The following BANK1 variants were observed in gnomAD, a reference collection of about 807,000 sequenced individuals.
BANK1 encodes B-cell scaffold protein with ankyrin repeats.
In BANK1, 95 loss-of-function variants were observed where a neutral mutation model predicts 94.5. The ratio of observed to expected loss-of-function variants is 1.00; its 90% CI spans 0.85 to 1.19. The LOEUF (loss-of-function observed/expected upper bound fraction) is 1.19, where lower values mean the gene tolerates loss of function less well. BANK1 is among the 50% of genes most tolerant of loss of function. The pLI, the probability that BANK1 is intolerant of heterozygous loss-of-function variation, is 0.00. For synonymous variants in BANK1, 334 were observed against 308.4 expected (o/e 1.08, Z -0.87); for missense variants, 987 against 932.2 (o/e 1.06, Z -0.77).
chr4:101,790,820 G>C lies in BANK1; in HGVS notation c.-61G>C, dbSNP rs1009718121. On this transcript the variant is annotated 5_prime_UTR_variant, in exon 1 of 17. Coordinates refer to ENST00000322953, the MANE Select transcript of BANK1 (RefSeq NM_017935.5). Reference sequence around the variant, plus strand: ...AAAATCGCGGGGAGTCTCTGGCCGGGAGAGTCCAGGTAGCGCTCGGCGGGC... The same window carrying C: ...AAAATCGCGGGGAGTCTCTGGCCGGCAGAGTCCAGGTAGCGCTCGGCGGGC... 1.5e-5 allele frequency: 22 copies of C among 1,493,936 alleles called. No homozygotes were observed. Among genetic ancestry groups the C allele is most frequent in the Non-Finnish European group, 2.0e-5 (22 of 1,108,340 alleles). 92.5% of individuals were successfully genotyped at this position (1,493,936 alleles called of 1,614,324 possible).
chr4:102,057,061 T>A (rs1006703023), intron 11 of BANK1, among the ~76,000 whole-genome samples: 2 of 152,028 alleles, frequency 1.3e-5, no homozygotes, highest in Non-Finnish European at 2.9e-5. Context: ...AAAGAATATA[T>A]GCAACCCTAA....
At chr4:101,946,926 T>C (rs1364491251) in intron 7 of BANK1, among the ~76,000 whole-genome samples, 1 of 151,896 alleles carries the variant, frequency 6.6e-6, no homozygotes, top group East Asian at 1.9e-4. Flanking sequence ...AAGCAATGCA[T>C]TTTCTTTATT....
intron 10 of BANK1, among the ~76,000 whole-genome samples, chr4:102,038,399 A>G (rs1421366385): frequency 6.6e-6 from 1 of 152,214 alleles, no homozygotes; most frequent in Non-Finnish European, 1.5e-5. Context: ...AAAATTGCTC[A>G]GAATGTTACT....
At chr4:101,923,153 AC>A (rs1356105705) in intron 7 of BANK1, among the ~76,000 whole-genome samples, 1 of 151,816 alleles carries the variant, frequency 6.6e-6, no homozygotes, top group Non-Finnish European at 1.5e-5. Context: ...TAGAAGACCC[AC>A]AAAAAATATT....
chr4:101,829,924 G>A lies in BANK1; in HGVS notation c.187G>A (p.Glu63Lys), dbSNP rs899831882. 2 of 1,613,844 alleles carry A rather than the reference G, an allele frequency of 1.2e-6. No individual in the cohort carries two copies. The highest frequency in any genetic ancestry group is 2.7e-5 in the African/African-American group (2 of 74,922). ...KREAILLYRL[E>K]NFSFRHLELL... is the part of the protein sequence containing the mutation. ...GGAAGCCATCCTGTTATATCGCTTG[G>A]AGAATTTCTCTTTTCGGCATTTGGA... The change falls in exon 2 of 17, where the codon GAG becomes AAG. Residue 63 changes from glutamate (E) to lysine (K), a missense_variant. Glu to Lys is a moderately conservative substitution (Grantham distance 56). Transcript: ENST00000322953.
At chr4:101,843,952 A>G (rs920234949) in intron 2 of BANK1, among the ~76,000 whole-genome samples, 1 of 152,080 alleles carries the variant, frequency 6.6e-6, no homozygotes, top group African/African-American at 2.4e-5. Context: ...TTAATAAATA[A>G]ATATATGGCT....
chr4:101,862,315 G>A (rs972138961), intron 3 of BANK1, among the ~76,000 whole-genome samples: 1 of 152,060 alleles, frequency 6.6e-6, no homozygotes, highest in African/African-American at 2.4e-5. Context: ...GGGAAAAAAA[G>A]AGCGTACAAT....
chr4:101,939,671 C>T (rs1017160313), intron 7 of BANK1, among the ~76,000 whole-genome samples: 1 of 151,596 alleles, frequency 6.6e-6, no homozygotes, highest in Non-Finnish European at 1.5e-5. Flanking sequence ...AGCTTAGCTA[C>T]AAGGAATGAG....
At position 101,986,847 on chromosome 4, in the gene BANK1, ATATATATGTATATATATATGTGTG is replaced by A. The variant is rs1560668225; in HGVS notation, c.1207-34663_1207-34640del. Among the ~76,000 whole-genome samples, 38 of 53,152 alleles carry A rather than the reference ATATATATGTATATATATATGTGTG, an allele frequency of 7.1e-4. 1 individual carries two copies. Among genetic ancestry groups the A allele is most frequent in the Admixed American group, 5.0e-3 (27 of 5,400 alleles). 34.9% of individuals were successfully genotyped at this position (53,152 alleles called of 152,430 possible). On this transcript the variant is annotated intron_variant, in intron 7 of 16. Coordinates refer to ENST00000322953, the MANE Select transcript of BANK1 (RefSeq NM_017935.5). ...TGTATATATATGTATATATATGTGT[ATATATATGTATATATATATGTGTG>A]TATGTGTGTGTGTGTGTGTGTGTGT...
intron 11 of BANK1, among the ~76,000 whole-genome samples, chr4:102,056,099 C>T (rs1422871260): frequency 1.3e-5 from 2 of 152,132 alleles, no homozygotes; most frequent in South Asian, 2.1e-4. Context: ...TATTATAAAG[C>T]TTGTGTACTT....
rs535547865 is a variant in BANK1 at position 101,807,924 on chromosome 4, T to C, written c.70+16974T>C. Among the ~76,000 whole-genome samples the C allele has an allele frequency of 4.2e-4, 61 of 145,286 alleles. 1 individual carries two copies. In the South Asian group the frequency reaches 0.013, roughly 31 times the overall value. ...GGTGAAACCCCGTCTCTACTAAAAA[T>C]AAAAAAAAAAATTAGCTGGCTGTGG... On this transcript the variant is annotated intron_variant, in intron 1 of 16. Transcript: ENST00000322953.
rs35978636 is a variant in BANK1, at chr4:101,829,857, G to C, written c.120G>C (p.Trp40Cys). The C allele has an allele frequency of 0.017, 26,609 of 1,596,420 alleles. 276 individuals carry two copies. The highest frequency in any genetic ancestry group is 0.02 in the Non-Finnish European group (22,962 of 1,172,030). The change falls in exon 2 of 17, where the codon TGG (tryptophan) becomes TGC (cysteine). Residue 40 changes from tryptophan to cysteine, a missense_variant. By Grantham distance (215) the Trp-to-Cys change is radical. Coordinates refer to ENST00000322953, the MANE Select transcript of BANK1 (RefSeq NM_017935.5). ...IMIYEEDAEE[W>C]ALYLTEVFLH... ...TATATGAAGAAGATGCTGAGGAATG[G>C]GCTCTGTACTTGACAGAAGTATTTT...
intron 7 of BANK1, among the ~76,000 whole-genome samples, chr4:101,986,895 G>A (rs200105580): frequency 0.016 from 1,055 of 64,382 alleles, 31 homozygotes; most frequent in East Asian, 0.051. Context: ...GTGTGTGTGT[G>A]TGTGTATATA....
intron 7 of BANK1, among the ~76,000 whole-genome samples, chr4:101,996,534 A>G (rs894129827): frequency 6.6e-6 from 1 of 152,110 alleles, no homozygotes; most frequent in African/African-American, 2.4e-5. Flanking sequence ...GACCATTTTC[A>G]TTATATTGAT....
intron 7 of BANK1, among the ~76,000 whole-genome samples, chr4:102,012,822 G>A (rs747331025): frequency 1.7e-4 from 25 of 151,304 alleles, no homozygotes; most frequent in Non-Finnish European, 2.8e-4. Context: ...TCAAAGACTT[G>A]GAAGAAAGAA....
At chr4:101,830,449 G>A (rs529427583) in intron 2 of BANK1, among the ~76,000 whole-genome samples, 2 of 152,068 alleles carry the variant, frequency 1.3e-5, no homozygotes, top group South Asian at 4.2e-4. Flanking sequence ...ATATTCTTTA[G>A]GGCAGCCTGG....
At chr4:101,793,724 A>T (rs1725066439) in intron 1 of BANK1, among the ~76,000 whole-genome samples, 1 of 152,162 alleles carries the variant, frequency 6.6e-6, no homozygotes, top group Non-Finnish European at 1.5e-5. Flanking sequence ...TAAAAAGCAA[A>T]ATCCAAGAGA....
chr4:101,987,291 C>T (rs1221437328), intron 7 of BANK1, among the ~76,000 whole-genome samples: 1 of 151,950 alleles, frequency 6.6e-6, no homozygotes, highest in African/African-American at 2.4e-5. Context: ...TGTGTGTGTA[C>T]TCATTCAGTC....
chr4:101,951,674 G>T (rs953287376), intron 7 of BANK1, among the ~76,000 whole-genome samples: 1 of 151,976 alleles, frequency 6.6e-6, no homozygotes, highest in African/African-American at 2.4e-5. Flanking sequence ...AAAAATGTTG[G>T]TTTTTACATT....
Sources: gnomAD v4.1 joint callset for allele counts (sites outside exome capture counted in the v4.1 genomes callset) on GRCh38, gnomAD v4.1.1 for gene constraint, MANE v1.5 for transcripts, NCBI Gene and HGNC (gene_info 2026-07-23, HGNC 2026-07-21) for gene names.